The following TEAD1 variants were observed in gnomAD, a reference collection of about 807,000 sequenced individuals.
TEAD1 encodes transcriptional enhancer factor TEF-1.
TEAD1 carries 9 observed loss-of-function variants against 54.9 expected under a neutral mutation model. The observed-to-expected ratio is 0.16, with a 90% confidence interval of 0.10 to 0.29. The LOEUF (loss-of-function observed/expected upper bound fraction) is 0.29. Among genes scored for constraint, TEAD1 ranks in the 10% least tolerant of loss-of-function variants. The pLI, the probability that TEAD1 is intolerant of heterozygous loss-of-function variation, is 1.00. For synonymous variants in TEAD1, 200 were observed against 187.8 expected, an observed-to-expected ratio of 1.07 and a Z score of -0.53; for missense variants, 387 against 535.9, an observed-to-expected ratio of 0.72 and a Z score of 2.74.
intron 2 of TEAD1, among the ~76,000 whole-genome samples, chr11:12,737,527 G>A (rs1248631005): frequency 3.3e-5 from 5 of 152,140 alleles, no homozygotes; most frequent in Non-Finnish European, 5.9e-5. Context: ...CCTGTTTGGA[G>A]CTGTTCCGCA....
At chr11:12,803,048 G>A (rs1444824027) in intron 3 of TEAD1, among the ~76,000 whole-genome samples, 1 of 151,962 alleles carries the variant, frequency 6.6e-6, no homozygotes, top group Non-Finnish European at 1.5e-5. Flanking sequence ...AGCCCAACCC[G>A]GGCCCTGGAT....
intron 12 of TEAD1, among the ~76,000 whole-genome samples, chr11:12,931,303 G>T (rs1465928086): frequency 6.6e-6 from 1 of 152,144 alleles, no homozygotes. Flanking sequence ...CCTCAAAATA[G>T]AAAATACTCA....
intron 7 of TEAD1, 23 bp downstream of exon 7, chr11:12,881,074 A>C: frequency 6.2e-7 from 1 of 1,613,812 alleles, no homozygotes; most frequent in Non-Finnish European, 8.5e-7. Context: ...AGGGGTGGGC[A>C]CTGACAACTA....
At chr11:12,764,087 A>C (rs1229999998) in intron 2 of TEAD1, 92 bp from the exon 3 acceptor site, 3 of 778,564 alleles carry the variant, frequency 3.9e-6, no homozygotes, top group African/African-American at 1.7e-5. Flanking sequence ...AAATGAAAAA[A>C]GCTGGTGACT....
intron 3 of TEAD1, among the ~76,000 whole-genome samples, chr11:12,766,538 C>T (rs1054615038): frequency 3.3e-5 from 5 of 152,092 alleles, no homozygotes; most frequent in Non-Finnish European, 7.3e-5. Flanking sequence ...GTCCATGGGT[C>T]CTTTGGACTC....
At position 12,942,754 on chromosome 11, in the gene TEAD1, G is replaced by A. The variant is rs1240468638; in HGVS notation, c.*5532G>A. 6.6e-6 allele frequency: 1 copy of A among 152,172 alleles called. No homozygotes were observed. The highest frequency in any genetic ancestry group is 1.9e-4 in the East Asian group (1 of 5,196). The allele number at this position is 152,172 out of a possible 1,614,324, so 9.4% of individuals were successfully genotyped here. On this transcript the variant is annotated 3_prime_UTR_variant, in exon 13 of 13. Coordinates refer to ENST00000527636, the MANE Select transcript of TEAD1 (RefSeq NM_021961.6). ...GAGTTAGGGTCGTTAAAATTGAAGT[G>A]TTCTTCTTAGGGCAAACATGTTGAC...
At chr11:12,920,266 C>T (rs890595584) in intron 10 of TEAD1, among the ~76,000 whole-genome samples, 2 of 152,114 alleles carry the variant, frequency 1.3e-5, no homozygotes, top group African/African-American at 4.8e-5. Flanking sequence ...CAGACAGAAC[C>T]GTAACAGTTG....
chr11:12,770,876 T>G (rs1260268570), intron 3 of TEAD1, among the ~76,000 whole-genome samples: 1 of 152,246 alleles, frequency 6.6e-6, no homozygotes, highest in Admixed American at 6.5e-5. Context: ...ACAGACAGAC[T>G]TAGCTAACTT....
intron 12 of TEAD1, among the ~76,000 whole-genome samples, chr11:12,934,355 A>G (rs1408865107): frequency 6.6e-6 from 1 of 152,062 alleles, no homozygotes; most frequent in Non-Finnish European, 1.5e-5. Flanking sequence ...ACATGGACAC[A>G]GGAAGGGGAA....
At chr11:12,774,719 A>C (rs1021589929) in intron 3 of TEAD1, among the ~76,000 whole-genome samples, 2 of 152,204 alleles carry the variant, frequency 1.3e-5, no homozygotes, top group African/African-American at 4.8e-5. Flanking sequence ...AAATGTAATT[A>C]TGTATGAAGA....
intron 3 of TEAD1, among the ~76,000 whole-genome samples, chr11:12,848,026 G>A (rs541634852): frequency 6.6e-6 from 1 of 152,332 alleles, no homozygotes; most frequent in South Asian, 2.1e-4. Context: ...GGCTAGGGCA[G>A]TGGGGTCAGT....
chr11:12,781,993 A>G (rs75375224), intron 3 of TEAD1, among the ~76,000 whole-genome samples: 3 of 149,248 alleles, frequency 2.0e-5, no homozygotes, highest in African/African-American at 5.1e-5. Flanking sequence ...AGAAAAAGAA[A>G]AAAAAAATTA....
At chr11:12,716,025 A>G (rs1006318496) in intron 2 of TEAD1, among the ~76,000 whole-genome samples, 2 of 151,352 alleles carry the variant, frequency 1.3e-5, no homozygotes, top group Admixed American at 1.3e-4. Context: ...CTTCCCCCCA[A>G]GACTGAGACT....
intron 2 of TEAD1, among the ~76,000 whole-genome samples, chr11:12,697,103 G>A (rs1564910119): frequency 6.6e-6 from 1 of 152,250 alleles, no homozygotes; most frequent in East Asian, 1.9e-4. Context: ...GGCTGAGCAC[G>A]GGGAAAGCAA....
intron 4 of TEAD1, among the ~76,000 whole-genome samples, chr11:12,863,527 G>A (rs1947551164): frequency 6.6e-6 from 1 of 152,148 alleles, no homozygotes; most frequent in South Asian, 2.1e-4. Flanking sequence ...AATAATTGAA[G>A]CTCAAAGACA....
At chr11:12,738,015 C>T (rs565177117) in intron 2 of TEAD1, among the ~76,000 whole-genome samples, 124 of 152,174 alleles carry the variant, frequency 8.1e-4, no homozygotes, top group Admixed American at 2.2e-3. Flanking sequence ...TATATAAAAC[C>T]GTCGGATCTC....
At position 12,722,165 on chromosome 11, in the gene TEAD1, C is replaced by A. The variant is rs79344292; in HGVS notation, c.-54-42014C>A. ...TCAGTTTAAGGAGGAAACTATTTCC[C>A]AGGGAGTGGAGGGGCTCTGAAATTC... On this transcript the variant is annotated intron_variant, in intron 2 of 12. Transcript: ENST00000527636. 2.3e-3 allele frequency among the ~76,000 whole-genome samples: 343 copies of A among 152,264 alleles called. 1 individual carries two copies. The highest frequency in any genetic ancestry group is 7.4e-3 in the African/African-American group (307 of 41,546).
chr11:12,783,038 C>G (rs1945591174), intron 3 of TEAD1, among the ~76,000 whole-genome samples: 1 of 151,790 alleles, frequency 6.6e-6, no homozygotes, highest in Non-Finnish European at 1.5e-5. Flanking sequence ...AGAGTAATCA[C>G]CGTCAGTGTG....
At chr11:12,757,393 A>C (rs1043464770) in intron 2 of TEAD1, among the ~76,000 whole-genome samples, 1 of 152,198 alleles carries the variant, frequency 6.6e-6, no homozygotes, top group African/African-American at 2.4e-5. Flanking sequence ...AGAAGGTAAA[A>C]TATATTGTCT....
Sources: allele counts gnomAD v4.1 joint callset (sites outside exome capture counted in the v4.1 genomes callset), GRCh38; gene constraint gnomAD v4.1.1; transcripts MANE v1.5; gene names NCBI Gene and HGNC (gene_info 2026-07-23, HGNC 2026-07-21).